SZT2: variants seen among roughly 807,000 people sequenced by gnomAD.
SZT2 encodes the protein SZT2 subunit of KICSTOR complex, also known as KICSTOR complex protein SZT2.
In SZT2, 216 loss-of-function variants were observed where a neutral mutation model predicts 404.2. The ratio of observed to expected loss-of-function variants is 0.53; its 90% CI spans 0.48 to 0.60. SZT2 has a LOEUF of 0.60. SZT2 is among the 20% of genes least tolerant of loss of function. The pLI, the probability that SZT2 is intolerant of heterozygous loss-of-function variation, is 0.00. For missense variants in SZT2, 3,857 were observed against 4,459.2 expected, an observed-to-expected ratio of 0.86 and a Z score of 3.85; for synonymous variants, 1,693 against 1,749.9, an observed-to-expected ratio of 0.97 and a Z score of 0.81.
intron 28 of SZT2, 29 bp downstream of exon 28, chr1:43,428,515 G>A (rs1653461258): frequency 6.2e-7 from 1 of 1,604,530 alleles, no homozygotes; most frequent in South Asian, 1.1e-5. Flanking sequence ...TGATGGATAA[G>A]GGGGTACACA....
Position 43,426,930 on chromosome 1 carries a change from C to T in SZT2, c.3309+121C>T, listed in dbSNP as rs758611826. On this transcript the variant is annotated intron_variant, in intron 23 of 71. Transcript: ENST00000634258. The surrounding 1 kb of genome is among the most constrained non-coding windows in gnomAD (Gnocchi z 4.9). ...ATGGCATCTGCCAATGACACAATGC[C>T]GTCATTTTCCATTGTCCTGGATCTT... 2.6e-5 allele frequency: 41 copies of T among 1,547,592 alleles called. No homozygotes were observed. Among genetic ancestry groups the T allele is most frequent in the South Asian group, 9.4e-5 (8 of 84,794 alleles).
chr1:43,451,695 A>G lies in SZT2; in HGVS notation c.*1215A>G, dbSNP rs767403977. On this transcript the variant is annotated 3_prime_UTR_variant, in exon 72 of 72. Coordinates refer to ENST00000634258, the MANE Select transcript of SZT2 (RefSeq NM_001365999.1). ...GATGTTTCCTGTCAGGTTCCCATCC[A>G]TGATCTGCCAGTGGAATATGTCCTA... The G allele has an allele frequency of 1.2e-5, 19 of 1,614,160 alleles. No homozygotes were observed. The highest frequency in any genetic ancestry group is 1.6e-5 in the Non-Finnish European group (19 of 1,180,014).
chr1:43,451,906 CAGAA>C lies in SZT2; in HGVS notation c.*1427_*1430del. Reference sequence around the variant, plus strand: ...TCAAGAGCACAGGAATCAAAAGGGACAGAAGGAGAGACAGGGCTGGGGTCGTACC... The same window carrying C: ...TCAAGAGCACAGGAATCAAAAGGGACGGAGAGACAGGGCTGGGGTCGTACC... On this transcript the variant is annotated 3_prime_UTR_variant, in exon 72 of 72. Transcript: ENST00000634258. 1 of 1,613,398 alleles carries C rather than the reference CAGAA, an allele frequency of 6.2e-7. No homozygotes were observed. The highest frequency in any genetic ancestry group is 1.1e-5 in the South Asian group (1 of 91,052).
intron 1 of SZT2, among the ~76,000 whole-genome samples, chr1:43,397,653 A>G (rs1649166717): frequency 6.6e-6 from 1 of 151,600 alleles, no homozygotes; most frequent in Admixed American, 6.6e-5. Context: ...TCGGTCCCCT[A>G]AGTAGCTGGG....
chr1:43,450,355 C>A lies in SZT2; in HGVS notation c.10174C>A (p.Arg3392=), dbSNP rs1392456301. 1 of 1,614,088 alleles carries A rather than the reference C, an allele frequency of 6.2e-7. No individual in the cohort carries two copies. The highest frequency in any genetic ancestry group is 1.3e-5 in the African/African-American group (1 of 75,012). The change falls in exon 72 of 72, where the codon CGA becomes AGA. Residue 3392 remains arginine (R), a synonymous_variant. Transcript: ENST00000634258. The surrounding 1 kb of genome is among the most constrained non-coding windows in gnomAD (Gnocchi z 4.3). Reference sequence around the variant, plus strand: ...CCCACAGTCTCTGACAGTGGTTTTCCGAGAGCCCTTCCCAGTACAGCCCCA... The same window carrying A: ...CCCACAGTCTCTGACAGTGGTTTTCAGAGAGCCCTTCCCAGTACAGCCCCA... The part of the protein sequence containing the change: ...LGKTSLTVVF[R]EPFPVQPQDS...
chr1:43,421,944 T>C (rs920969719), intron 11 of SZT2, 139 bp from the exon 12 acceptor site: 1 of 917,190 alleles, frequency 1.1e-6, no homozygotes, highest in Non-Finnish European at 1.6e-6. Flanking sequence ...TTGCCTGTGC[T>C]TCAGGCTGGG....
Position 43,453,374 on chromosome 1 carries a change from G to T in SZT2, c.*2894G>T. The stretch of plus-strand genomic sequence containing the variant: ...TGGGTCACAGGGGTGGGGGTGGGGT[G>T]GAGCGGGGTACCTGGGACAGCCCAG... On this transcript the variant is annotated 3_prime_UTR_variant, in exon 72 of 72. Coordinates refer to ENST00000634258, the MANE Select transcript of SZT2 (RefSeq NM_001365999.1). 6.6e-7 allele frequency: 1 copy of T among 1,524,814 alleles called. No individual in the cohort carries two copies. The highest frequency in any genetic ancestry group is 8.9e-7 in the Non-Finnish European group (1 of 1,124,968). The allele number at this position is 1,524,814 out of a possible 1,614,324, so 94.5% of individuals were successfully genotyped here.
Position 43,452,426 on chromosome 1 carries a change from C to T in SZT2, c.*1946C>T. The T allele has an allele frequency of 1.2e-6, 1 of 863,798 alleles. No homozygotes were observed. The highest frequency in any genetic ancestry group is 1.9e-6 in the Non-Finnish European group (1 of 518,806). The allele number at this position is 863,798 out of a possible 1,614,324, so 53.5% of individuals were successfully genotyped here. A position where few individuals can be genotyped will look rare whatever the true frequency, so the allele number is the denominator to read the frequency against. On this transcript the variant is annotated 3_prime_UTR_variant, in exon 72 of 72. Transcript: ENST00000634258. ...TCGTCCGTCTCCCCAGGTCTCCAGT[C>T]CATGGCACCTGGGTCACGATGCCCA...
At chr1:43,404,274 A>G (rs866661881) in intron 3 of SZT2, 106 bp from the exon 4 acceptor site, 18 of 957,026 alleles carry the variant, frequency 1.9e-5, no homozygotes, top group East Asian at 4.9e-5. Flanking sequence ...TGGGTGTGCG[A>G]TCATCCATAA....
rs774596486 is a variant in SZT2, at chr1:43,442,304, A to G, written c.7910A>G (p.Asp2637Gly). 1.2e-6 allele frequency: 2 copies of G among 1,613,890 alleles called. No homozygotes were observed. The highest frequency in any genetic ancestry group is 1.7e-6 in the Non-Finnish European group (2 of 1,179,986). The change falls in exon 57 of 72, where the codon GAT becomes GGT. Residue 2637 changes from aspartate (D) to glycine (G), a missense_variant. By Grantham distance (94) the Asp-to-Gly change is moderately conservative (BLOSUM62 -1). Transcript: ENST00000634258. This position sits in a 1 kb window ranked among gnomAD's most constrained non-coding sequence, Gnocchi z 4.5. ...ATGCAGCGCTTCGAGCCAGGAGGTG[A>G]TGGGAGCTCAGGGCGAAATGCTCCC... ...KAMQRFEPGG[D>G]GSSGRNAPRQ...
rs769796777 is a variant in SZT2, at chr1:43,448,137, G to A, written c.9622G>A (p.Asp3208Asn). ...AGAGCTCTTCCCCAGGCTCACTGCT[G>A]ACATGCGCCGCTTCCGGAAGCCACC... ...QRELFPRLTA[D>N]MRRFRKPPRL... The change falls in exon 69 of 72, where the codon GAC (aspartate) becomes AAC (asparagine). Residue 3208 changes from aspartate to asparagine, a missense_variant. By Grantham distance (23) the Asp-to-Asn change is conservative. Transcript: ENST00000634258. This position sits in a 1 kb window ranked among gnomAD's most constrained non-coding sequence, Gnocchi z 4.2. 3 of 1,608,698 alleles carry A rather than the reference G, an allele frequency of 1.9e-6. No individual in the cohort carries two copies. The highest frequency in any genetic ancestry group is 2.5e-6 in the Non-Finnish European group (3 of 1,176,674).
intron 7 of SZT2, among the ~76,000 whole-genome samples, chr1:43,418,439 G>A (rs1651951698): frequency 6.6e-6 from 1 of 151,584 alleles, no homozygotes; most frequent in Admixed American, 6.6e-5. Flanking sequence ...TTTGAAAATA[G>A]AAAGAAGTGA....
chr1:43,451,464 G>A lies in SZT2; in HGVS notation c.*984G>A. 1 of 1,614,090 alleles carries A rather than the reference G, an allele frequency of 6.2e-7. No individual in the cohort carries two copies. The highest frequency in any genetic ancestry group is 8.5e-7 in the Non-Finnish European group (1 of 1,180,044). Reference sequence around the variant, plus strand: ...CCTTTGTAGCCTTCATCTTCCAGCAGTTGAAACAGATAGGGGAAATTCAGC... The same window carrying A: ...CCTTTGTAGCCTTCATCTTCCAGCAATTGAAACAGATAGGGGAAATTCAGC... On this transcript the variant is annotated 3_prime_UTR_variant, in exon 72 of 72. Transcript: ENST00000634258.
intron 4 of SZT2, chr1:43,406,630 G>GT (rs1210121587): frequency 6.6e-6 from 1 of 152,310 alleles, no homozygotes; most frequent in African/African-American, 2.4e-5. Context: ...GTGGGAGCTG[G>GT]TTATGAAAGG....
rs371690288 is a variant in SZT2 at position 43,425,734 on chromosome 1, C to T, written c.2814+92C>T. ...CTGCAGTCTGTGGGCTTCCTGGTCC[C>T]TCTGAATGGCTGGGACTGTTGAAGC... is the stretch of plus-strand genomic sequence containing the variant. On this transcript the variant is annotated intron_variant, in intron 19 of 71. Coordinates refer to ENST00000634258, the MANE Select transcript of SZT2 (RefSeq NM_001365999.1). This position sits in a 1 kb window ranked among gnomAD's most constrained non-coding sequence, Gnocchi z 4.3. 54 of 1,594,712 alleles carry T rather than the reference C, an allele frequency of 3.4e-5. No homozygotes were observed. Among genetic ancestry groups the T allele is most frequent in the Non-Finnish European group, 4.3e-5 (50 of 1,167,402 alleles).
In SZT2 at chr1:43,450,689, C is replaced by T. The variant is rs1205922432; in HGVS notation, c.*209C>T. On this transcript the variant is annotated 3_prime_UTR_variant, in exon 72 of 72. Transcript: ENST00000634258. This position sits in a 1 kb window ranked among gnomAD's most constrained non-coding sequence, Gnocchi z 4.3. Reference sequence around the variant, plus strand: ...TCCCCAAACACCCACAGCCACTGACCCATCCAGGACTCCAGAGAGTCAGGT... The same window carrying T: ...TCCCCAAACACCCACAGCCACTGACTCATCCAGGACTCCAGAGAGTCAGGT... 2 of 756,322 alleles carry T rather than the reference C, an allele frequency of 2.6e-6. No individual in the cohort carries two copies. The highest frequency in any genetic ancestry group is 4.4e-6 in the Non-Finnish European group (2 of 456,530). The allele number at this position is 756,322 out of a possible 1,614,324, so 46.9% of individuals were successfully genotyped here.
Position 43,437,652 on chromosome 1 carries a change from C to T in SZT2, c.6348C>T (p.Ser2116=). 3 of 1,614,108 alleles carry T rather than the reference C, an allele frequency of 1.9e-6. No homozygotes were observed. Among genetic ancestry groups the T allele is most frequent in the South Asian group, 2.2e-5 (2 of 91,060 alleles). The change falls in exon 45 of 72, where the codon TCC becomes TCT. Residue 2116 remains serine (S), a synonymous_variant. Transcript: ENST00000634258. The surrounding 1 kb of genome is among the most constrained non-coding windows in gnomAD (Gnocchi z 5.3). ...GGAAAGGGGATGCGCTGCCCCCTTC[C>T]CTCGCTCTGTCCCGAAGCCAAGAGC... ...RPWKGDALPP[S]LALSRSQEPI...
chr1:43,432,470 G>T, intron 37 of SZT2, 31 bp downstream of exon 37: 1 of 1,563,148 alleles, frequency 6.4e-7, no homozygotes, highest in Non-Finnish European at 8.6e-7. Context: ...GAGGGGGGTG[G>T]TGGGTGTGTG....
chr1:43,453,610 T>G lies in SZT2; in HGVS notation c.*3130T>G, dbSNP rs1465932367. The G allele has an allele frequency of 6.5e-7, 1 of 1,529,424 alleles. No homozygotes were observed. Among genetic ancestry groups the G allele is most frequent in the Non-Finnish European group, 8.8e-7 (1 of 1,139,792 alleles). 94.7% of individuals were successfully genotyped at this position (1,529,424 alleles called of 1,614,324 possible). A position where few individuals can be genotyped will look rare whatever the true frequency, so the allele number is the denominator to read the frequency against. ...CGCGACGCACCCGGGGGCGTGTTGA[T>G]CAGTACAAGCCGCAGCCCCGCTTCT... On this transcript the variant is annotated 3_prime_UTR_variant, in exon 72 of 72. Transcript: ENST00000634258.
Sources: allele counts gnomAD v4.1 joint callset (sites outside exome capture counted in the v4.1 genomes callset), GRCh38; gene constraint gnomAD v4.1.1; non-coding constraint Gnocchi (gnomAD v3.1); transcripts MANE v1.5; gene names NCBI Gene and HGNC (gene_info 2026-07-23, HGNC 2026-07-21).